The following LAMA2 variants were observed in gnomAD, a reference collection of about 807,000 sequenced individuals.
LAMA2 encodes laminin subunit alpha-2.
A neutral mutation model predicts 364.8 loss-of-function variants in LAMA2; 269 were observed. The observed-to-expected ratio is 0.74, with a 90% CI of 0.67 to 0.82. The LOEUF is 0.82. Ranked by LOEUF, LAMA2 falls within the 40% of genes least tolerant of loss-of-function variation. The pLI, the probability that LAMA2 is intolerant of heterozygous loss-of-function variation, is 0.00. For synonymous variants in LAMA2, 1,379 were observed against 1,370.6 expected (o/e 1.01, Z -0.14); for missense variants, 3,807 against 3,873.2 (o/e 0.98, Z 0.45).
intron 1 of LAMA2, among the ~76,000 whole-genome samples, chr6:129,004,507 CT>C (rs1333142406): frequency 1.3e-5 from 2 of 150,688 alleles, no homozygotes; most frequent in African/African-American, 4.9e-5. Flanking sequence ...CCTATATGTA[CT>C]TCTGGGAAAT....
chr6:129,132,276 C>T (rs1203311697), intron 4 of LAMA2, among the ~76,000 whole-genome samples: 1 of 151,788 alleles, frequency 6.6e-6, no homozygotes, highest in African/African-American at 2.4e-5. Flanking sequence ...ATGCCATTCT[C>T]CCACCTCAGC....
chr6:129,095,826 G>C (rs555116717), intron 3 of LAMA2, among the ~76,000 whole-genome samples: 88 of 152,096 alleles, frequency 5.8e-4, no homozygotes, highest in African/African-American at 1.9e-3. Flanking sequence ...GGGAGGCTGA[G>C]GCAGGAGAAT....
At chr6:128,904,556 G>C (rs973572735) in intron 1 of LAMA2, among the ~76,000 whole-genome samples, 1 of 150,790 alleles carries the variant, frequency 6.6e-6, no homozygotes, top group African/African-American at 2.4e-5. Flanking sequence ...CCGGGTTCAA[G>C]TGATTCTCCT....
At chr6:129,195,632 G>A (rs563271027) in intron 12 of LAMA2, among the ~76,000 whole-genome samples, 2 of 152,112 alleles carry the variant, frequency 1.3e-5, no homozygotes, top group South Asian at 2.1e-4. Flanking sequence ...TAATTTTCCC[G>A]CCTCGTTCTT....
intron 1 of LAMA2, among the ~76,000 whole-genome samples, chr6:128,904,407 T>C (rs1217595768): frequency 6.6e-6 from 1 of 151,912 alleles, no homozygotes; most frequent in African/African-American, 2.4e-5. Flanking sequence ...GATAGAAATA[T>C]GTGGAGGTTG....
chr6:129,278,584 G>C (rs921436768), intron 17 of LAMA2, among the ~76,000 whole-genome samples: 1 of 152,122 alleles, frequency 6.6e-6, no homozygotes, highest in Non-Finnish European at 1.5e-5. Flanking sequence ...ATAGTGAACT[G>C]TCTTTGGGTC....
chr6:128,975,266 G>A (rs1158263321), intron 1 of LAMA2, among the ~76,000 whole-genome samples: 1 of 152,170 alleles, frequency 6.6e-6, no homozygotes, highest in African/African-American at 2.4e-5. Flanking sequence ...AATCTTAGAA[G>A]AGTTAGGGAA....
At chr6:128,952,421 C>G (rs1447547229) in intron 1 of LAMA2, among the ~76,000 whole-genome samples, 2 of 152,032 alleles carry the variant, frequency 1.3e-5, no homozygotes, top group Non-Finnish European at 2.9e-5. Context: ...AAATAAGAAA[C>G]TGCTTTAGAT....
At chr6:129,476,079 G>A (rs763691935) in intron 53 of LAMA2, among the ~76,000 whole-genome samples, 4 of 152,162 alleles carry the variant, frequency 2.6e-5, no homozygotes, top group Admixed American at 6.5e-5. Flanking sequence ...ACTAGCATTA[G>A]CATAAAAGCT....
intron 59 of LAMA2, 99 bp downstream of exon 59, chr6:129,502,870 A>G: frequency 2.2e-6 from 2 of 914,694 alleles, no homozygotes; most frequent in Non-Finnish European, 1.8e-6. Context: ...TAATTAATGA[A>G]GTTAGCTTTT....
intron 14 of LAMA2, among the ~76,000 whole-genome samples, chr6:129,256,390 G>C (rs370413273): frequency 6.6e-6 from 1 of 152,180 alleles, no homozygotes; most frequent in Admixed American, 6.5e-5. Flanking sequence ...ACAGTAAGTA[G>C]TAACTATTAA....
intron 51 of LAMA2, 57 bp downstream of exon 51, chr6:129,465,346 C>T: frequency 2.2e-6 from 3 of 1,381,860 alleles, no homozygotes; most frequent in Non-Finnish European, 3.1e-6. Context: ...CCAAAGTGCA[C>T]ATGTACCTGA....
chr6:129,272,579 C>T (rs1426532152), intron 17 of LAMA2, among the ~76,000 whole-genome samples: 2 of 152,136 alleles, frequency 1.3e-5, no homozygotes, highest in Admixed American at 6.6e-5. Context: ...ATACACACTG[C>T]ATTTTAAGTG....
chr6:129,300,632 C>A, intron 21 of LAMA2, 104 bp from the exon 22 acceptor site: 2 of 1,200,622 alleles, frequency 1.7e-6, no homozygotes, highest in Non-Finnish European at 2.5e-6. Flanking sequence ...AAGTGTAGAA[C>A]TGAAAAGAAA....
At chr6:128,896,990 C>T (rs1776815012) in intron 1 of LAMA2, among the ~76,000 whole-genome samples, 1 of 152,188 alleles carries the variant, frequency 6.6e-6, no homozygotes, top group African/African-American at 2.4e-5. Flanking sequence ...CTTAATTTAT[C>T]AAAGGTAGAT....
chr6:129,392,628 G>C (rs962040960), intron 36 of LAMA2, among the ~76,000 whole-genome samples: 1 of 152,132 alleles, frequency 6.6e-6, no homozygotes, highest in Non-Finnish European at 1.5e-5. Flanking sequence ...CAATGACCTA[G>C]AATTCTGTTC....
intron 4 of LAMA2, among the ~76,000 whole-genome samples, chr6:129,101,816 G>C (rs1287560041): frequency 6.6e-6 from 1 of 152,118 alleles, no homozygotes; most frequent in Admixed American, 6.6e-5. Flanking sequence ...TCTTTCATCA[G>C]TTCAGAAAAC....
chr6:128,949,442 A>T (rs2114563881), intron 1 of LAMA2, among the ~76,000 whole-genome samples: 1 of 152,286 alleles, frequency 6.6e-6, no homozygotes. Flanking sequence ...GGTCAGAAAA[A>T]TGTTAGATAA....
At chr6:129,033,832 C>G (rs1786409571) in intron 1 of LAMA2, among the ~76,000 whole-genome samples, 1 of 151,800 alleles carries the variant, frequency 6.6e-6, no homozygotes, top group Non-Finnish European at 1.5e-5. Flanking sequence ...AACTGCCACC[C>G]CCTCTATGAA....
Sources: allele counts gnomAD v4.1 joint callset (sites outside exome capture counted in the v4.1 genomes callset), GRCh38; gene constraint gnomAD v4.1.1; transcripts MANE v1.5; gene names NCBI Gene and HGNC (gene_info 2026-07-23, HGNC 2026-07-21).